Variants in RAPGEF4 observed in about 807,000 individuals in gnomAD.
RAPGEF4 encodes Rap guanine nucleotide exchange factor 4.
A neutral mutation model predicts 147.9 loss-of-function variants in RAPGEF4; 66 were observed. The observed-to-expected ratio is 0.45, with a 90% confidence interval of 0.37 to 0.55. RAPGEF4 has a LOEUF of 0.55. Ranked by LOEUF, RAPGEF4 falls within the 20% of genes least tolerant of loss-of-function variation. The pLI is 0.00. For missense variants in RAPGEF4, 1,071 were observed against 1,257.3 expected, an observed-to-expected ratio of 0.85 and a Z score of 2.24; for synonymous variants, 419 against 442.7, an observed-to-expected ratio of 0.95 and a Z score of 0.67.
intron 1 of RAPGEF4, among the ~76,000 whole-genome samples, chr2:172,767,869 G>T (rs1696994695): frequency 6.6e-6 from 1 of 151,996 alleles, no homozygotes; most frequent in Non-Finnish European, 1.5e-5. Context: ...TTGAGACACA[G>T]TCTCCCCATG....
intron 4 of RAPGEF4, among the ~76,000 whole-genome samples, chr2:172,893,486 C>G (rs1698152714): frequency 6.6e-6 from 1 of 152,242 alleles, no homozygotes; most frequent in Non-Finnish European, 1.5e-5. Flanking sequence ...GCATCGACCC[C>G]CAGATGGCTG....
At chr2:172,899,197 G>A (rs1698819234) in intron 4 of RAPGEF4, among the ~76,000 whole-genome samples, 1 of 152,172 alleles carries the variant, frequency 6.6e-6, no homozygotes, top group South Asian at 2.1e-4. Context: ...GTGTTGGCTG[G>A]TAAAAAGGTT....
intron 6 of RAPGEF4, among the ~76,000 whole-genome samples, chr2:172,952,932 G>A (rs1361307497): frequency 6.6e-6 from 1 of 152,196 alleles, no homozygotes; most frequent in Non-Finnish European, 1.5e-5. Context: ...CTGTGTTAGG[G>A]TATGTTGCGG....
At chr2:173,012,003 A>G (rs1157702613) in intron 17 of RAPGEF4, among the ~76,000 whole-genome samples, 1 of 152,214 alleles carries the variant, frequency 6.6e-6, no homozygotes, top group Non-Finnish European at 1.5e-5. Context: ...GTGATTCAAA[A>G]TATGCTCATG....
intron 6 of RAPGEF4, among the ~76,000 whole-genome samples, chr2:172,953,906 G>A (rs538154505): frequency 2.0e-5 from 3 of 152,236 alleles, no homozygotes; most frequent in South Asian, 2.1e-4. Flanking sequence ...TTCAGGAGAC[G>A]ACTGGTGGGC....
At chr2:172,780,129 T>A (rs1684545036) in intron 1 of RAPGEF4, among the ~76,000 whole-genome samples, 1 of 152,096 alleles carries the variant, frequency 6.6e-6, no homozygotes, top group African/African-American at 2.4e-5. Flanking sequence ...TCTGAGTTCT[T>A]AACTGGGGCC....
Position 172,848,899 on chromosome 2 carries a change from A to C in RAPGEF4, c.444+34474A>C, listed in dbSNP as rs181950606. Among the ~76,000 whole-genome samples, 814 of 152,300 alleles carry C rather than the reference A, an allele frequency of 5.3e-3. 11 individuals are homozygous for C. The highest frequency in any genetic ancestry group is 0.019 in the African/African-American group (771 of 41,554). On this transcript the variant is annotated intron_variant, in intron 4 of 30. Coordinates refer to ENST00000397081, the MANE Select transcript of RAPGEF4 (RefSeq NM_007023.4). ...GCATCAGAGGAGCTTACAATAAGTT[A>C]GAAGGCTCAATTAGTGAAAAAAAAG... is the stretch of plus-strand genomic sequence containing the variant.
intron 4 of RAPGEF4, among the ~76,000 whole-genome samples, chr2:172,830,322 A>G (rs1388511673): frequency 2.0e-5 from 3 of 152,240 alleles, no homozygotes; most frequent in Non-Finnish European, 4.4e-5. Flanking sequence ...TTGCCGAAAG[A>G]GTATTTCAAA....
chr2:173,009,049 G>T (rs1425951874), intron 17 of RAPGEF4, among the ~76,000 whole-genome samples: 3 of 152,190 alleles, frequency 2.0e-5, no homozygotes, highest in African/African-American at 7.2e-5. Context: ...GAAGGAGGTG[G>T]TTCAGTTCCG....
intron 4 of RAPGEF4, among the ~76,000 whole-genome samples, chr2:172,836,754 C>A (rs1690983053): frequency 6.6e-6 from 1 of 152,198 alleles, no homozygotes; most frequent in Non-Finnish European, 1.5e-5. Flanking sequence ...GGAAATAGCT[C>A]GTGGCTAGCA....
At chr2:172,969,212 A>G (rs1184842226) in intron 10 of RAPGEF4, among the ~76,000 whole-genome samples, 1 of 152,246 alleles carries the variant, frequency 6.6e-6, no homozygotes. Context: ...TCATTTTACT[A>G]CATTTGTTCA....
intron 6 of RAPGEF4, among the ~76,000 whole-genome samples, chr2:172,931,400 A>G (rs1221824988): frequency 1.3e-5 from 2 of 152,116 alleles, no homozygotes; most frequent in African/African-American, 4.8e-5. Context: ...TTGGGCCTGG[A>G]AAGCCTTAGA....
intron 8 of RAPGEF4, chr2:172,965,277 A>G (rs956590044): frequency 2.0e-5 from 8 of 390,730 alleles, no homozygotes; most frequent in Non-Finnish European, 3.7e-5. Flanking sequence ...TTGCCAGACA[A>G]TCTCCCCCTC....
At chr2:172,896,036 A>ACGT (rs1698438188) in intron 4 of RAPGEF4, among the ~76,000 whole-genome samples, 1 of 152,258 alleles carries the variant, frequency 6.6e-6, no homozygotes, top group Admixed American at 6.5e-5. Context: ...GATCATAAAG[A>ACGT]CGTTGTCTGA....
At chr2:172,918,371 C>CCACACACAGACA in intron 5 of RAPGEF4, among the ~76,000 whole-genome samples, 1 of 137,702 alleles carries the variant, frequency 7.3e-6, no homozygotes, top group Admixed American at 7.3e-5. Context: ...GATGCTCTTA[C>CCACACACAGACA]CACACACACA....
chr2:172,945,394 A>G (rs1489928134), intron 6 of RAPGEF4, among the ~76,000 whole-genome samples: 1 of 152,152 alleles, frequency 6.6e-6, no homozygotes, highest in Non-Finnish European at 1.5e-5. Context: ...CAAATATACT[A>G]CTGCCCTCAG....
rs1374855600 is a variant in RAPGEF4 at position 172,897,740 on chromosome 2, T to TTTTATTTTATTTTATTTTATTTTA, written c.445-20051_445-20028dup. 6.7e-5 allele frequency among the ~76,000 whole-genome samples: 10 copies of TTTTATTTTATTTTATTTTATTTTA among 148,970 alleles called. No individual in the cohort carries two copies. The East Asian group carries it at 2.0e-3, about 29-fold the overall frequency. On this transcript the variant is annotated intron_variant, in intron 4 of 30. Transcript: ENST00000397081. ...TGAATGGGAGTTTTCATCTATTTTA[T>TTTTATTTTATTTTATTTTATTTTA]TTTATTTTATTTTATTTTATTTTAT...
At position 173,020,617 on chromosome 2, in the gene RAPGEF4, GA is replaced by G; in HGVS notation, c.2159del (p.Lys720ArgfsTer32). The G allele has an allele frequency of 1.2e-6, 2 of 1,611,752 alleles. No individual in the cohort carries two copies. Among genetic ancestry groups the G allele is most frequent in the Non-Finnish European group, 1.7e-6 (2 of 1,178,068 alleles). ...CAATCTCATGCTTTTTATGTTCACA[GA>G]AAAGGTGGTGCTCAAACCTAATGAT... ...LIIVKMSSGG[E>X]KVVLKPNDVS... On this transcript the variant is annotated frameshift_variant and splice_region_variant, in exon 23 of 31. Coordinates refer to ENST00000397081, the MANE Select transcript of RAPGEF4 (RefSeq NM_007023.4). LOFTEE classifies it high-confidence loss of function.
chr2:172,997,956 A>G (rs753291028), intron 16 of RAPGEF4, among the ~76,000 whole-genome samples: 1 of 152,224 alleles, frequency 6.6e-6, no homozygotes, highest in Non-Finnish European at 1.5e-5. Context: ...TAATTAGGGT[A>G]TAGTAGATAT....
Sources: gnomAD v4.1 joint callset for allele counts (sites outside exome capture counted in the v4.1 genomes callset) on GRCh38, gnomAD v4.1.1 for gene constraint, MANE v1.5 for transcripts, NCBI Gene and HGNC (gene_info 2026-07-23, HGNC 2026-07-21) for gene names.